TSPAN15: variants seen among roughly 807,000 people sequenced by gnomAD.
The protein encoded by TSPAN15 is tetraspanin 15, also known as tetraspanin-15.
TSPAN15 carries 20 observed loss-of-function variants against 34.5 expected under a neutral mutation model. The ratio of observed to expected loss-of-function variants is 0.58; its 90% CI spans 0.41 to 0.84. The LOEUF is 0.84. Among genes scored for constraint, TSPAN15 ranks in the 40% least tolerant of loss-of-function variants. TSPAN15 has a pLI of 0.00. For synonymous variants in TSPAN15, 155 were observed against 153.9 expected (o/e 1.01, Z -0.05); for missense variants, 313 against 386.1 (o/e 0.81, Z 1.59).
the TSPAN15 span, among the ~76,000 whole-genome samples, chr10:69,530,846 A>C: frequency 7.9e-6 from 1 of 125,912 alleles, no homozygotes; most frequent in African/African-American, 2.8e-5. Context: ...ATATATATAT[A>C]TATATATATA....
chr10:69,494,964 G>A (rs996834422), intron 3 of TSPAN15: 28 of 740,478 alleles, frequency 3.8e-5, no homozygotes, highest in East Asian at 1.3e-4. Context: ...TGTTCCTCCC[G>A]GCAGGGATTG....
intron 5 of TSPAN15, among the ~76,000 whole-genome samples, chr10:69,498,709 G>A (rs776096983): frequency 1.9e-4 from 29 of 152,212 alleles, no homozygotes; most frequent in Non-Finnish European, 4.0e-4. Flanking sequence ...ACCCTGTGAG[G>A]TATGTACTGT....
At chr10:69,539,211 G>A in the TSPAN15 span, among the ~76,000 whole-genome samples, 35 of 151,878 alleles carry the variant, frequency 2.3e-4, no homozygotes, top group Non-Finnish European at 4.1e-4. Context: ...AGGACACAAA[G>A]GCATAAGAAT....
chr10:69,532,920 G>A, the TSPAN15 span, among the ~76,000 whole-genome samples: 1 of 152,158 alleles, frequency 6.6e-6, no homozygotes, highest in African/African-American at 2.4e-5. Context: ...ACAAACATAT[G>A]AAAAAATGCT....
At chr10:69,531,523 T>G in the TSPAN15 span, among the ~76,000 whole-genome samples, 1 of 152,138 alleles carries the variant, frequency 6.6e-6, no homozygotes, top group African/African-American at 2.4e-5. Flanking sequence ...CACCTGAGTC[T>G]GGGAGGTCAA....
At position 69,506,415 on chromosome 10, in the gene TSPAN15, C is replaced by A; in HGVS notation, c.735+175C>A. On this transcript the variant is annotated intron_variant, in intron 7 of 7. Transcript: ENST00000373290. The surrounding 1 kb of genome is among the most constrained non-coding windows in gnomAD (Gnocchi z 4.7). ...AATAGCAGTCGTGGCGAAGCTCTTC[C>A]AAGTGCTGCGCAGGCACTGCTGCTT... is the stretch of plus-strand genomic sequence containing the variant. 1 of 627,572 alleles carries A rather than the reference C, an allele frequency of 1.6e-6. No homozygotes were observed. The highest frequency in any genetic ancestry group is 2.8e-6 in the Non-Finnish European group (1 of 356,104). The allele number at this position is 627,572 out of a possible 1,614,324, so 38.9% of individuals were successfully genotyped here. A position where few individuals can be genotyped will look rare whatever the true frequency, so the allele number is the denominator to read the frequency against.
chr10:69,455,269 T>C (rs538396347), intron 1 of TSPAN15, among the ~76,000 whole-genome samples: 24 of 152,260 alleles, frequency 1.6e-4, no homozygotes, highest in Non-Finnish European at 3.1e-4. Flanking sequence ...GTCACTCTTT[T>C]CTGAGCTATC....
intron 5 of TSPAN15, among the ~76,000 whole-genome samples, chr10:69,500,095 AG>A (rs759357556): frequency 3.9e-5 from 6 of 152,114 alleles, no homozygotes; most frequent in Non-Finnish European, 7.4e-5. Flanking sequence ...GGATAGAGTT[AG>A]GGGCTGATAT....
chr10:69,478,355 C>T (rs10998824), intron 1 of TSPAN15, among the ~76,000 whole-genome samples: 8,789 of 152,244 alleles, frequency 0.058, 363 homozygotes, highest in Middle Eastern at 0.16. Context: ...TTCCCCACCC[C>T]CTTTCAAGCT....
intron 1 of TSPAN15, among the ~76,000 whole-genome samples, chr10:69,451,919 C>T (rs566463117): frequency 6.6e-6 from 1 of 152,348 alleles, no homozygotes; most frequent in East Asian, 1.9e-4. Context: ...CGAGTGCCAC[C>T]TGGCTCACCT....
At chr10:69,482,672 A>C (rs1024431973) in intron 1 of TSPAN15, among the ~76,000 whole-genome samples, 5 of 140,534 alleles carry the variant, frequency 3.6e-5, no homozygotes, top group African/African-American at 1.3e-4. Flanking sequence ...GAATGTCTTC[A>C]AGTCTGTCTT....
intron 1 of TSPAN15, among the ~76,000 whole-genome samples, chr10:69,461,574 C>T (rs574293857): frequency 2.0e-5 from 3 of 152,228 alleles, no homozygotes; most frequent in African/African-American, 7.2e-5. Flanking sequence ...ATGCTGACCT[C>T]TCCGGCTGTG....
intron 1 of TSPAN15, among the ~76,000 whole-genome samples, chr10:69,482,851 T>C (rs557342489): frequency 3.7e-4 from 56 of 152,322 alleles, no homozygotes; most frequent in African/African-American, 1.3e-3. Flanking sequence ...GGGTCTGTAG[T>C]AGTCTGCTAG....
intron 3 of TSPAN15, 105 bp downstream of exon 3, chr10:69,485,320 T>C: frequency 2.1e-6 from 2 of 933,916 alleles, no homozygotes; most frequent in Non-Finnish European, 3.5e-6. Context: ...ATAACCCCCA[T>C]GGAGCTTTCA....
In TSPAN15 at chr10:69,483,881, G is replaced by A. The variant is rs1841792640; in HGVS notation, c.282+5G>A. On this transcript the variant is annotated splice_donor_5th_base_variant and intron_variant, in intron 2 of 7. Coordinates refer to ENST00000373290, the MANE Select transcript of TSPAN15 (RefSeq NM_012339.5). ...AACCTGTACCTTCTCCAAGCAGTGA[G>A]TGGACCACACCACCCCTCAGCCGGG... The A allele has an allele frequency of 3.1e-6, 5 of 1,611,824 alleles. No individual in the cohort carries two copies. The highest frequency in any genetic ancestry group is 1.3e-5 in the African/African-American group (1 of 74,996).
Position 69,469,938 on chromosome 10 carries a change from G to A in TSPAN15, c.97-13753G>A, listed in dbSNP as rs140131722. 9.2e-5 allele frequency among the ~76,000 whole-genome samples: 14 copies of A among 152,258 alleles called. No individual in the cohort carries two copies. In the East Asian group the frequency reaches 2.5e-3, roughly 27 times the overall value. The stretch of plus-strand genomic sequence containing the variant: ...GAATTAAATTGTACGACACCCAGCT[G>A]GTCTCTCAAGAGAATCAAAGAACTG... On this transcript the variant is annotated intron_variant, in intron 1 of 7. Coordinates refer to ENST00000373290, the MANE Select transcript of TSPAN15 (RefSeq NM_012339.5).
At chr10:69,530,779 ACTCTCTCTCT>A in the TSPAN15 span, among the ~76,000 whole-genome samples, 140 of 49,894 alleles carry the variant, frequency 2.8e-3, 2 homozygotes, top group Non-Finnish European at 4.0e-3. Context: ...ACAGAGTGAG[ACTCTCTCTCT>A]CTCTCTCTCT....
the TSPAN15 span, among the ~76,000 whole-genome samples, chr10:69,517,977 T>C: frequency 6.6e-6 from 1 of 152,202 alleles, no homozygotes; most frequent in Non-Finnish European, 1.5e-5. Flanking sequence ...AGACACATAG[T>C]AGGTGCTCAA....
the TSPAN15 span, among the ~76,000 whole-genome samples, chr10:69,533,808 G>A: frequency 1.7e-4 from 26 of 152,330 alleles, no homozygotes; most frequent in East Asian, 9.7e-4. Context: ...CAGTCTTTGC[G>A]TACTGAGTGC....
Sources: gnomAD v4.1 joint callset for allele counts (sites outside exome capture counted in the v4.1 genomes callset) on GRCh38, gnomAD v4.1.1 for gene constraint, Gnocchi (gnomAD v3.1) non-coding constraint, MANE v1.5 for transcripts, NCBI Gene and HGNC (gene_info 2026-07-23, HGNC 2026-07-21) for gene names.